The following SLC33A2 variants were observed in gnomAD, a reference collection of about 807,000 sequenced individuals.
SLC33A2 encodes major facilitator superfamily domain containing 3.
At chr8:144,509,330 C>T in the SLC33A2 span, 1 of 1,456,634 alleles carries the variant, frequency 6.9e-7, no homozygotes, top group Admixed American at 2.5e-5. Flanking sequence ...CGGCCTGAGC[C>T]GCCATGCGCG....
At chr8:144,509,805 C>T in the SLC33A2 span, 40 of 1,543,836 alleles carry the variant, frequency 2.6e-5, no homozygotes, top group African/African-American at 6.8e-5. Context: ...GCTGGCGCTG[C>T]TGCCCACCTT....
the SLC33A2 span, chr8:144,510,845 CCA>C: frequency 6.0e-5 from 97 of 1,610,518 alleles, no homozygotes; most frequent in East Asian, 3.1e-4. Flanking sequence ...GGCCTGGTCA[CCA>C]CAGTCACCTT....
the SLC33A2 span, chr8:144,510,895 G>C: frequency 1.2e-6 from 2 of 1,605,800 alleles, no homozygotes; most frequent in Non-Finnish European, 1.7e-6. Context: ...GGCCCCCAGG[G>C]CCCTGCAGGT....
chr8:144,509,758 C>A, the SLC33A2 span: 1 of 1,563,822 alleles, frequency 6.4e-7, no homozygotes, highest in Non-Finnish European at 8.6e-7. Context: ...CAGGTGGTCG[C>A]GTACAAGCTG....
chr8:144,510,503 C>A, the SLC33A2 span: 4 of 1,612,466 alleles, frequency 2.5e-6, no homozygotes, highest in Non-Finnish European at 3.4e-6. Context: ...GCTGGCCAAG[C>A]ACTGGTGAGC....
chr8:144,510,844 A>T, the SLC33A2 span: 11 of 1,610,364 alleles, frequency 6.8e-6, no homozygotes, highest in East Asian at 2.5e-4. Context: ...AGGCCTGGTC[A>T]CCACAGTCAC....
chr8:144,510,646 C>T, the SLC33A2 span: 11 of 1,561,106 alleles, frequency 7.0e-6, 2 homozygotes, highest in Middle Eastern at 1.7e-4. Flanking sequence ...GCCTCGGGGG[C>T]CTAGCCTGTC....
the SLC33A2 span, chr8:144,509,991 G>A: frequency 4.4e-6 from 7 of 1,596,194 alleles, no homozygotes; most frequent in Non-Finnish European, 5.9e-6. Context: ...GTGGACGGCA[G>A]GCTTTGTGCT....
At chr8:144,510,159 T>C in the SLC33A2 span, 2 of 1,285,174 alleles carry the variant, frequency 1.6e-6, no homozygotes, top group East Asian at 2.5e-5. Context: ...TCCGGGGCTC[T>C]GCAGCTGGGC....
At chr8:144,510,734 G>A in the SLC33A2 span, 3 of 1,600,266 alleles carry the variant, frequency 1.9e-6, no homozygotes, top group Non-Finnish European at 2.6e-6. Flanking sequence ...TGAGGGGCTG[G>A]CCTTGAGGAG....
At chr8:144,511,061 G>A in the SLC33A2 span, 2 of 1,607,170 alleles carry the variant, frequency 1.2e-6, no homozygotes, top group Non-Finnish European at 1.7e-6. Flanking sequence ...CTGGCCGGAG[G>A]CCTGGCTGAT....
chr8:144,509,532 AGGGCCTGGGTGACGCGCAGCACGGC>A, the SLC33A2 span: 7 of 1,524,752 alleles, frequency 4.6e-6, no homozygotes, highest in East Asian at 1.0e-4. Flanking sequence ...GGGCTCGGCG[AGGGCCTGGGTGACGCGCAGCACGGC>A]GGGCCTGGGC....
At chr8:144,509,901 C>T in the SLC33A2 span, 3 of 1,552,114 alleles carry the variant, frequency 1.9e-6, no homozygotes, top group Middle Eastern at 1.7e-4. Context: ...CCTGCGGCGG[C>T]TCCCACAGCA....
chr8:144,510,554 G>A, the SLC33A2 span: 2 of 1,610,648 alleles, frequency 1.2e-6, no homozygotes, highest in Non-Finnish European at 1.7e-6. Context: ...TACCTGAGCT[G>A]CCCCCAATCC....
At chr8:144,510,143 C>T in the SLC33A2 span, 5 of 1,328,928 alleles carry the variant, frequency 3.8e-6, no homozygotes, top group East Asian at 2.5e-5. Flanking sequence ...AGACTTGGCC[C>T]TGACATCCGG....
At chr8:144,510,446 G>C in the SLC33A2 span, 1 of 1,612,892 alleles carries the variant, frequency 6.2e-7, no homozygotes, top group East Asian at 2.2e-5. Flanking sequence ...GAATGGTGTG[G>C]GTGCTGTGGT....
At chr8:144,509,281 C>T in the SLC33A2 span, 2 of 1,415,754 alleles carry the variant, frequency 1.4e-6, no homozygotes, top group Non-Finnish European at 1.8e-6. Context: ...CCTCGCCTTG[C>T]GGGACCCCAC....
chr8:144,510,694 C>T, the SLC33A2 span: 2,165 of 1,568,196 alleles, frequency 1.4e-3, 24 homozygotes, highest in African/African-American at 0.025. Context: ...CCCTGGGGGC[C>T]AGCATGGACG....
chr8:144,509,190 T>C, the SLC33A2 span: 7 of 825,328 alleles, frequency 8.5e-6, no homozygotes, highest in Non-Finnish European at 1.2e-5. Flanking sequence ...GTCCAGACCC[T>C]AGCCTGTACG....
Sources: allele counts gnomAD v4.1 joint callset, GRCh38; gene constraint gnomAD v4.1.1; transcripts MANE v1.5; gene names NCBI Gene and HGNC (gene_info 2026-07-23, HGNC 2026-07-21).